The following PDE4D variants were observed in gnomAD, a reference collection of about 807,000 sequenced individuals.
PDE4D encodes phosphodiesterase 4D.
In PDE4D, 24 loss-of-function variants were observed where a neutral mutation model predicts 87.4. That is an observed-to-expected ratio of 0.27 (90% CI 0.20 to 0.39). The LOEUF is 0.39. PDE4D is among the 10% of genes least tolerant of loss of function. The pLI is 1.00. For missense variants in PDE4D, 714 were observed against 1,041.0 expected, an observed-to-expected ratio of 0.69 and a Z score of 4.32; for synonymous variants, 384 against 383.2, an observed-to-expected ratio of 1.00 and a Z score of -0.02.
chr5:60,050,718 C>A (rs1770025867), intron 2 of PDE4D, among the ~76,000 whole-genome samples: 1 of 152,056 alleles, frequency 6.6e-6, no homozygotes, highest in South Asian at 2.1e-4. Context: ...GATAAATGCC[C>A]CAATTAAAAG....
At chr5:59,743,816 T>C (rs1759208055) in intron 1 of PDE4D, among the ~76,000 whole-genome samples, 1 of 152,092 alleles carries the variant, frequency 6.6e-6, no homozygotes, top group Admixed American at 6.6e-5. Flanking sequence ...ACTACAATCA[T>C]CACTCAAATC....
chr5:59,533,752 T>C (rs1039818956), intron 1 of PDE4D, among the ~76,000 whole-genome samples: 4 of 152,178 alleles, frequency 2.6e-5, no homozygotes, highest in African/African-American at 9.6e-5. Context: ...TTAGAAATTT[T>C]GGGGAAGGGG....
chr5:60,316,256 G>A (rs539913225), intron 1 of PDE4D, among the ~76,000 whole-genome samples: 1 of 152,228 alleles, frequency 6.6e-6, no homozygotes, highest in Admixed American at 6.5e-5. Context: ...AATTGTGAAT[G>A]GGAGTTCACT....
At position 60,039,596 on chromosome 5, in the gene PDE4D, G is replaced by T. The variant is rs549068604; in HGVS notation, c.43-50879C>A. Among the ~76,000 whole-genome samples, 1,173 of 149,500 alleles carry T rather than the reference G, an allele frequency of 7.8e-3. 13 individuals carry two copies. Among genetic ancestry groups the T allele is most frequent in the African/African-American group, 0.027 (1,092 of 40,758 alleles). ...AACTTAAACTATAATAATAATAAAA[G>T]AAAAAAAATAAAAAAAATAAAAAAT... On this transcript the variant is annotated intron_variant, in intron 2 of 16. Coordinates refer to the PDE4D transcript ENST00000502484.
chr5:59,212,543 G>C (rs529313531), intron 2 of PDE4D, among the ~76,000 whole-genome samples: 21 of 152,048 alleles, frequency 1.4e-4, no homozygotes, highest in Middle Eastern at 6.8e-3. Context: ...AGGTATCCTT[G>C]CAAGTTTGAT....
intron 1 of PDE4D, among the ~76,000 whole-genome samples, chr5:59,431,290 G>C (rs372571533): frequency 3.3e-5 from 5 of 152,116 alleles, no homozygotes; most frequent in African/African-American, 1.2e-4. Flanking sequence ...CAGGGTCTTA[G>C]AGAAATGCTG....
chr5:59,711,039 C>T (rs1754125861), intron 1 of PDE4D, among the ~76,000 whole-genome samples: 1 of 152,166 alleles, frequency 6.6e-6, no homozygotes, highest in South Asian at 2.1e-4. Context: ...TTGACAATCA[C>T]CTCTTAGAGG....
chr5:60,329,661 A>G (rs541747664), intron 1 of PDE4D, among the ~76,000 whole-genome samples: 2 of 152,302 alleles, frequency 1.3e-5, no homozygotes, highest in Admixed American at 1.3e-4. Context: ...AAGGGTAAAG[A>G]AATTGTAATA....
chr5:60,051,337 C>A (rs930929678), intron 2 of PDE4D, among the ~76,000 whole-genome samples: 14 of 152,178 alleles, frequency 9.2e-5, no homozygotes, highest in African/African-American at 3.4e-4. Flanking sequence ...TCATAACAAA[C>A]AGTCTCTCAG....
rs1343073623 is a variant in PDE4D at position 58,973,068 on chromosome 5, A to T, written c.*1596T>A. 6.6e-6 allele frequency: 1 copy of T among 152,210 alleles called. No individual in the cohort carries two copies. Among genetic ancestry groups the T allele is most frequent in the Non-Finnish European group, 1.5e-5 (1 of 68,028 alleles). The allele number at this position is 152,210 out of a possible 1,614,324, so 9.4% of individuals were successfully genotyped here. A position where few individuals can be genotyped will look rare whatever the true frequency, so the allele number is the denominator to read the frequency against. ...TTAAGGAAGAGTAGTTGCTACACTTAAAACCGTTTCTCAGGGATGTTCCTG... is the reference window on the plus strand; with the variant it reads ...TTAAGGAAGAGTAGTTGCTACACTTTAAACCGTTTCTCAGGGATGTTCCTG... On this transcript the variant is annotated 3_prime_UTR_variant, in exon 15 of 15. Transcript: ENST00000340635.
intron 1 of PDE4D, among the ~76,000 whole-genome samples, chr5:59,429,943 A>C (rs1036344774): frequency 6.6e-6 from 1 of 152,182 alleles, no homozygotes; most frequent in African/African-American, 2.4e-5. Flanking sequence ...ATTATGAGTT[A>C]CTGGGCATCT....
intron 5 of PDE4D, among the ~76,000 whole-genome samples, chr5:59,048,691 T>A (rs1498609): frequency 1.3e-5 from 2 of 152,028 alleles, no homozygotes; most frequent in Non-Finnish European, 2.9e-5. Context: ...ATTGAGGTAT[T>A]CTCAGAAATA....
chr5:58,993,528 A>C (rs1748416498), intron 6 of PDE4D, 63 bp from the exon 7 acceptor site: 1 of 946,220 alleles, frequency 1.1e-6, no homozygotes, highest in African/African-American at 1.7e-5. Context: ...ATATATATGC[A>C]TACTCTGAGA....
At chr5:59,203,660 G>A (rs1748074622) in intron 2 of PDE4D, among the ~76,000 whole-genome samples, 1 of 151,832 alleles carries the variant, frequency 6.6e-6, no homozygotes, top group African/African-American at 2.4e-5. Context: ...TCCTACTCAG[G>A]CTTAAAAAGG....
At chr5:60,017,415 T>G (rs1209190784) in intron 2 of PDE4D, among the ~76,000 whole-genome samples, 2 of 152,132 alleles carry the variant, frequency 1.3e-5, no homozygotes, top group Non-Finnish European at 2.9e-5. Flanking sequence ...AAGCCCCACA[T>G]GCATTAGCTA....
At chr5:58,982,151 G>A (rs1580075515) in intron 11 of PDE4D, among the ~76,000 whole-genome samples, 1 of 152,268 alleles carries the variant, frequency 6.6e-6, no homozygotes, top group Admixed American at 6.5e-5. Flanking sequence ...GGGTCACTGG[G>A]GGTAATTATG....
intron 1 of PDE4D, among the ~76,000 whole-genome samples, chr5:59,305,377 TG>T (rs1268623323): frequency 1.6e-4 from 13 of 81,586 alleles, no homozygotes; most frequent in African/African-American, 7.3e-4. Context: ...TTTTTTTGTA[TG>T]GTTTTTTTTT....
chr5:59,096,279 C>G (rs886627840), intron 5 of PDE4D, among the ~76,000 whole-genome samples: 1 of 152,134 alleles, frequency 6.6e-6, no homozygotes, highest in Non-Finnish European at 1.5e-5. Context: ...ATAAATGTAA[C>G]TGGCAAAGTG....
intron 1 of PDE4D, among the ~76,000 whole-genome samples, chr5:59,617,375 T>C (rs1014030706): frequency 6.6e-6 from 1 of 152,168 alleles, no homozygotes; most frequent in Non-Finnish European, 1.5e-5. Context: ...GATCTATGAA[T>C]GTATGACAAT....
Sources: allele counts gnomAD v4.1 joint callset (sites outside exome capture counted in the v4.1 genomes callset), GRCh38; gene constraint gnomAD v4.1.1; transcripts MANE v1.5; gene names NCBI Gene and HGNC (gene_info 2026-07-23, HGNC 2026-07-21).